Variants in HERC3 observed in about 807,000 individuals in gnomAD.
The protein encoded by HERC3 is probable E3 ubiquitin-protein ligase HERC3.
In HERC3, 58 loss-of-function variants were observed where a neutral mutation model predicts 129.9. The observed-to-expected ratio is 0.45, with a 90% CI of 0.36 to 0.56. The LOEUF (loss-of-function observed/expected upper bound fraction) is 0.56, where lower values mean the gene tolerates loss of function less well. HERC3 is among the 20% of genes least tolerant of loss of function. The probability of loss-of-function intolerance (pLI) is 0.00; values close to 1 mark genes in which losing one functional copy is unlikely to be tolerated. For missense variants in HERC3, 835 were observed against 1,244.2 expected (o/e 0.67, Z 4.95); for synonymous variants, 430 against 451.0 (o/e 0.95, Z 0.59).
At chr4:88,654,207 G>GTAGT in intron 7 of HERC3, 74 bp downstream of exon 7, 1 of 1,000,422 alleles carries the variant, frequency 1.0e-6, no homozygotes, top group Non-Finnish European at 1.6e-6. Flanking sequence ...TTATGTTAGT[G>GTAGT]TAGTGATGGT....
upstream of HERC3, among the ~76,000 whole-genome samples, chr4:88,590,879 T>C (rs1042072034): frequency 6.8e-6 from 1 of 147,782 alleles, no homozygotes; most frequent in Non-Finnish European, 1.5e-5. Context: ...CTTTTTTCCT[T>C]TTTCTTTCTT....
the HERC3 span, among the ~76,000 whole-genome samples, chr4:88,551,273 A>C: frequency 1.3e-5 from 2 of 151,986 alleles, no homozygotes; most frequent in Non-Finnish European, 2.9e-5. Context: ...AAAAGCCAAA[A>C]TTGACAAATG....
At chr4:88,675,534 A>G (rs1732067332) in intron 16 of HERC3, among the ~76,000 whole-genome samples, 1 of 152,130 alleles carries the variant, frequency 6.6e-6, no homozygotes, top group Non-Finnish European at 1.5e-5. Context: ...TTAAGTTAAT[A>G]TTAAGTTAAT....
At chr4:88,639,540 TA>T (rs1727837727) in intron 3 of HERC3, among the ~76,000 whole-genome samples, 1 of 151,818 alleles carries the variant, frequency 6.6e-6, no homozygotes, top group Non-Finnish European at 1.5e-5. Context: ...GCATCTACGG[TA>T]AACCAAAACT....
At chr4:88,558,006 G>A in the HERC3 span, among the ~76,000 whole-genome samples, 1 of 149,968 alleles carries the variant, frequency 6.7e-6, no homozygotes, top group Non-Finnish European at 1.5e-5. Flanking sequence ...AGGAGGCGGA[G>A]GTTGCGGTGA....
At position 88,687,095 on chromosome 4, in the gene HERC3, C is replaced by T. The variant is rs1578320442; in HGVS notation, c.2575-122C>T. ...GACTCAAGTTCTGATTATTCTCCCACTAATTTTCTGTAATAGTCATGAAAC... is the reference window on the plus strand; with the variant it reads ...GACTCAAGTTCTGATTATTCTCCCATTAATTTTCTGTAATAGTCATGAAAC... On this transcript the variant is annotated intron_variant, in intron 22 of 25. Transcript: ENST00000402738. 9.7e-6 allele frequency: 7 copies of T among 719,478 alleles called. No homozygotes were observed. The East Asian group carries it at 1.6e-4, about 17-fold the overall frequency. 44.6% of individuals were successfully genotyped at this position (719,478 alleles called of 1,614,324 possible).
chr4:88,653,095 G>GT lies in HERC3; in HGVS notation c.685+6dup. The GT allele has an allele frequency of 1.2e-6, 2 of 1,613,560 alleles. No homozygotes were observed. Among genetic ancestry groups the GT allele is most frequent in the Non-Finnish European group, 1.7e-6 (2 of 1,179,574 alleles). ...TAGGGCTCAGTGATGAAAAAGGTAG[G>GT]TAAACCCTTCATATGTATGTATTTA... On this transcript the variant is annotated splice_donor_region_variant and intron_variant, in intron 6 of 25. Coordinates refer to ENST00000402738, the MANE Select transcript of HERC3 (RefSeq NM_014606.3).
At chr4:88,695,247 A>G (rs1009577109) in intron 23 of HERC3, among the ~76,000 whole-genome samples, 4 of 152,182 alleles carry the variant, frequency 2.6e-5, no homozygotes, top group Non-Finnish European at 4.4e-5. Flanking sequence ...TTTGTACTCA[A>G]CAATCTGTTG....
chr4:88,583,440 A>G, the HERC3 span, among the ~76,000 whole-genome samples: 7 of 138,934 alleles, frequency 5.0e-5, no homozygotes, highest in African/African-American at 1.8e-4. Context: ...ACTCCTTCTC[A>G]AAAAAAAAAA....
chr4:88,604,794 G>C (rs1222469015), intron 2 of HERC3, among the ~76,000 whole-genome samples: 2 of 152,178 alleles, frequency 1.3e-5, no homozygotes, highest in Non-Finnish European at 2.9e-5. Context: ...GAAATTGCTG[G>C]ATCACATGGT....
the HERC3 span, among the ~76,000 whole-genome samples, chr4:88,547,908 G>A: frequency 4.0e-3 from 607 of 152,164 alleles, 5 homozygotes; most frequent in African/African-American, 0.014. Context: ...TGCCTGCCTC[G>A]GCCTCCCAAA....
chr4:88,554,792 T>A, the HERC3 span, among the ~76,000 whole-genome samples: 11,530 of 152,240 alleles, frequency 0.076, 619 homozygotes, highest in East Asian at 0.28. Flanking sequence ...TGTGGGGCTT[T>A]TGTCCTATTT....
chr4:88,654,349 CATATATATATATATATATAT>C (rs869126362), intron 7 of HERC3, among the ~76,000 whole-genome samples: 15 of 70,970 alleles, frequency 2.1e-4, no homozygotes, highest in South Asian at 1.1e-3. Context: ...GTAGATTTTT[CATATATATATATATATATAT>C]ATATATATAT....
chr4:88,556,295 C>G, the HERC3 span, among the ~76,000 whole-genome samples: 2 of 152,148 alleles, frequency 1.3e-5, no homozygotes, highest in African/African-American at 4.8e-5. Flanking sequence ...GTTTAGCTGT[C>G]CAAAAGCTTT....
intron 10 of HERC3, among the ~76,000 whole-genome samples, chr4:88,659,465 C>A (rs1463990980): frequency 6.6e-6 from 1 of 152,168 alleles, no homozygotes; most frequent in African/African-American, 2.4e-5. Context: ...CCTGGTGGAG[C>A]CCGAGGCTGT....
intron 23 of HERC3, among the ~76,000 whole-genome samples, chr4:88,702,723 CAT>C (rs753823777): frequency 8.5e-5 from 13 of 152,224 alleles, no homozygotes; most frequent in South Asian, 6.2e-4. Flanking sequence ...CTTGTGCACA[CAT>C]GTTAGCGTCT....
At chr4:88,578,692 C>G in the HERC3 span, among the ~76,000 whole-genome samples, 3 of 151,874 alleles carry the variant, frequency 2.0e-5, no homozygotes, top group Non-Finnish European at 4.4e-5. Flanking sequence ...GAGGAGGTAA[C>G]ACTACATGCT....
chr4:88,582,477 C>T, the HERC3 span, among the ~76,000 whole-genome samples: 52 of 152,192 alleles, frequency 3.4e-4, no homozygotes, highest in Non-Finnish European at 6.6e-4. Flanking sequence ...CCTGCTGTTC[C>T]CCATCTTCCC....
At chr4:88,620,390 T>C (rs1304912499) in intron 3 of HERC3, among the ~76,000 whole-genome samples, 1 of 152,196 alleles carries the variant, frequency 6.6e-6, no homozygotes, top group African/African-American at 2.4e-5. Context: ...TTACCCTGTT[T>C]TCTTCATCTC....
Sources: gnomAD v4.1 joint callset for allele counts (sites outside exome capture counted in the v4.1 genomes callset) on GRCh38, gnomAD v4.1.1 for gene constraint, MANE v1.5 for transcripts, NCBI Gene and HGNC (gene_info 2026-07-23, HGNC 2026-07-21) for gene names.